Variants in PDE10A observed in about 807,000 individuals in gnomAD.
PDE10A encodes cAMP and cAMP-inhibited cGMP 3',5'-cyclic phosphodiesterase 10A.
PDE10A carries 39 observed loss-of-function variants against 97.7 expected under a neutral mutation model. The observed-to-expected ratio is 0.40, with a 90% CI of 0.31 to 0.52. The LOEUF is 0.52. Ranked by LOEUF, PDE10A falls within the 20% of genes least tolerant of loss-of-function variation. The pLI is 0.56. For synonymous variants in PDE10A, 371 were observed against 376.8 expected, an observed-to-expected ratio of 0.98 and a Z score of 0.18; for missense variants, 731 against 1,047.8, an observed-to-expected ratio of 0.70 and a Z score of 4.17.
At chr6:165,816,827 G>A (rs948247800) in intron 1 of PDE10A, among the ~76,000 whole-genome samples, 17 of 152,226 alleles carry the variant, frequency 1.1e-4, no homozygotes, top group Middle Eastern at 3.4e-3. Context: ...GGAAGGGGCC[G>A]TAGAGCTTTT....
At chr6:165,875,294 C>A (rs1289983669) in intron 1 of PDE10A, among the ~76,000 whole-genome samples, 1 of 152,188 alleles carries the variant, frequency 6.6e-6, no homozygotes, top group African/African-American at 2.4e-5. Context: ...AACATCAAAA[C>A]CTTGATCTCT....
At chr6:165,551,628 C>A (rs1784020607) in intron 1 of PDE10A, among the ~76,000 whole-genome samples, 1 of 152,146 alleles carries the variant, frequency 6.6e-6, no homozygotes, top group African/African-American at 2.4e-5. Flanking sequence ...AAGATATAAG[C>A]CCAGGATGTC....
intron 18 of PDE10A, among the ~76,000 whole-genome samples, chr6:165,374,007 A>C (rs1784440333): frequency 6.8e-6 from 1 of 146,518 alleles, no homozygotes; most frequent in Admixed American, 7.0e-5. Flanking sequence ...GCATGTTCTC[A>C]CTCATAGATG....
chr6:165,844,153 CT>C (rs1333046392), intron 1 of PDE10A, among the ~76,000 whole-genome samples: 4 of 152,296 alleles, frequency 2.6e-5, no homozygotes, highest in Non-Finnish European at 4.4e-5. Context: ...TATCATCCCC[CT>C]GGAGGAGGGT....
At chr6:165,543,119 A>C (rs1319646933) in intron 2 of PDE10A, among the ~76,000 whole-genome samples, 7 of 152,198 alleles carry the variant, frequency 4.6e-5, no homozygotes, top group Admixed American at 4.6e-4. Context: ...ACTATGAATA[A>C]TGTTTATCTA....
intron 2 of PDE10A, among the ~76,000 whole-genome samples, chr6:165,482,816 C>T (rs1461968510): frequency 6.6e-6 from 1 of 152,168 alleles, no homozygotes; most frequent in Non-Finnish European, 1.5e-5. Context: ...CTGGTCAAGG[C>T]ATGAAACATA....
chr6:165,938,486 CT>C (rs1209525673), intron 1 of PDE10A, among the ~76,000 whole-genome samples: 1 of 152,178 alleles, frequency 6.6e-6, no homozygotes, highest in Admixed American at 6.5e-5. Flanking sequence ...TGGAATGTTA[CT>C]AATCTTGGAT....
intron 10 of PDE10A, among the ~76,000 whole-genome samples, chr6:165,427,303 A>G (rs1352481685): frequency 1.3e-5 from 2 of 152,184 alleles, no homozygotes; most frequent in East Asian, 3.8e-4. Flanking sequence ...TGAATGAGGT[A>G]CTGACCCATG....
intron 1 of PDE10A, among the ~76,000 whole-genome samples, chr6:165,882,781 C>A (rs544947798): frequency 6.6e-6 from 1 of 151,330 alleles, no homozygotes; most frequent in African/African-American, 2.4e-5. Context: ...AAAAAAGCCT[C>A]CCTCCTGGCA....
At chr6:165,354,004 C>T (rs192440396) in intron 18 of PDE10A, among the ~76,000 whole-genome samples, 1 of 152,132 alleles carries the variant, frequency 6.6e-6, no homozygotes, top group Admixed American at 6.5e-5. Flanking sequence ...TACTTTCTAC[C>T]CAATCTTTCT....
At chr6:165,520,972 C>T (rs752030525) in intron 2 of PDE10A, among the ~76,000 whole-genome samples, 2 of 150,160 alleles carry the variant, frequency 1.3e-5, no homozygotes, top group African/African-American at 2.5e-5. Context: ...TTCACAGATA[C>T]TATGGTTTTT....
intron 1 of PDE10A, among the ~76,000 whole-genome samples, chr6:165,833,435 G>C (rs948566477): frequency 6.6e-6 from 1 of 152,252 alleles, no homozygotes; most frequent in Non-Finnish European, 1.5e-5. Context: ...GGAGGCACCT[G>C]CCCTTTGCAG....
At chr6:165,942,925 C>T (rs1783581697) in intron 1 of PDE10A, among the ~76,000 whole-genome samples, 1 of 151,818 alleles carries the variant, frequency 6.6e-6, no homozygotes, top group South Asian at 2.1e-4. Context: ...ATGTCAATGT[C>T]GGTTTGCTCA....
At chr6:165,525,511 A>G (rs1291841848) in intron 2 of PDE10A, among the ~76,000 whole-genome samples, 1 of 152,092 alleles carries the variant, frequency 6.6e-6, no homozygotes, top group Non-Finnish European at 1.5e-5. Context: ...GGAGTGGATT[A>G]GACACTTTAG....
chr6:165,374,976 A>G (rs1046257121), intron 18 of PDE10A, among the ~76,000 whole-genome samples: 2 of 152,296 alleles, frequency 1.3e-5, no homozygotes, highest in Middle Eastern at 3.4e-3. Flanking sequence ...GGTGCCATGA[A>G]TTACACCCAT....
chr6:165,362,721 C>T (rs1286542209), intron 18 of PDE10A, among the ~76,000 whole-genome samples: 1 of 152,092 alleles, frequency 6.6e-6, no homozygotes, highest in African/African-American at 2.4e-5. Context: ...TTCCATGAGG[C>T]CAGTGTTACC....
chr6:165,410,322 C>G (rs920090120), intron 13 of PDE10A, among the ~76,000 whole-genome samples: 6 of 152,090 alleles, frequency 3.9e-5, no homozygotes, highest in African/African-American at 1.2e-4. Context: ...GGCATCTTAG[C>G]TCAGGTAGAA....
At chr6:165,814,818 C>T (rs1779367119) in intron 1 of PDE10A, among the ~76,000 whole-genome samples, 1 of 151,972 alleles carries the variant, frequency 6.6e-6, no homozygotes, top group Admixed American at 6.6e-5. Flanking sequence ...GTTCTCGAGA[C>T]GTCACTCTGC....
chr6:165,605,607 G>T (rs1313657889), intron 1 of PDE10A, among the ~76,000 whole-genome samples: 1 of 151,684 alleles, frequency 6.6e-6, no homozygotes, highest in Admixed American at 6.6e-5. Context: ...CAAGTTTCTG[G>T]CTCCTTCCTT....
Sources: allele counts gnomAD v4.1 joint callset (sites outside exome capture counted in the v4.1 genomes callset), GRCh38; gene constraint gnomAD v4.1.1; transcripts MANE v1.5; gene names NCBI Gene and HGNC (gene_info 2026-07-23, HGNC 2026-07-21).